The following TLN2 variants were observed in gnomAD, a reference collection of about 807,000 sequenced individuals.
TLN2 encodes talin 2.
TLN2 carries 118 observed loss-of-function variants against 294.7 expected under a neutral mutation model. The ratio of observed to expected loss-of-function variants is 0.40; its 90% CI spans 0.34 to 0.47. TLN2 has a LOEUF of 0.47. TLN2 is among the 20% of genes least tolerant of loss of function. The pLI, the probability that TLN2 is intolerant of heterozygous loss-of-function variation, is 0.84. For missense variants in TLN2, 3,083 were observed against 3,282.2 expected (o/e 0.94, Z 1.48); for synonymous variants, 1,431 against 1,304.5 (o/e 1.10, Z -2.09).
rs767354498 is a variant in TLN2 at position 62,810,042 on chromosome 15, C to G, written c.6771+10C>G. 1 of 1,609,940 alleles carries G rather than the reference C, an allele frequency of 6.2e-7. No homozygotes were observed. The highest frequency in any genetic ancestry group is 1.1e-5 in the South Asian group (1 of 90,898). ...GGAGCACGTCTTGGTGGTAAGAAAGCGCATGAGTCAGGGCTGGGGAGTAGC... is the reference window on the plus strand; with the variant it reads ...GGAGCACGTCTTGGTGGTAAGAAAGGGCATGAGTCAGGGCTGGGGAGTAGC... On this transcript the variant is annotated intron_variant, in intron 52 of 58. Coordinates refer to ENST00000636159, the MANE Select transcript of TLN2 (RefSeq NM_015059.3).
Position 62,692,921 on chromosome 15 carries a change from A to G in TLN2, c.1195A>G (p.Ile399Val), listed in dbSNP as rs1000386087. 1.2e-6 allele frequency: 2 copies of G among 1,612,908 alleles called. No individual in the cohort carries two copies. The highest frequency in any genetic ancestry group is 1.7e-6 in the Non-Finnish European group (2 of 1,179,538). The stretch of plus-strand genomic sequence containing the variant: ...GATATCCCAGCTGATTGCAGGCTAC[A>G]TTGACATCATCCTGAAAAAGGTATT... ...EQISQLIAGY[I>V]DIILKKKQSK... is the part of the protein sequence containing the mutation. Residue 399 changes from isoleucine (I) to valine (V), a missense_variant, in exon 13 of 59, where the codon ATT becomes GTT. Physicochemically the swap from Ile to Val is conservative, Grantham distance 29 (BLOSUM62 3). Coordinates refer to ENST00000636159, the MANE Select transcript of TLN2 (RefSeq NM_015059.3).
rs112841455 is a variant in TLN2, at chr15:62,591,410, A to G, written c.-162+1648A>G. ...GGAAAGAAAGGTACTTTACCTGTAC[A>G]TTGCCTGTTTCCAGAAAATGCTGTG... On this transcript the variant is annotated intron_variant, in intron 2 of 58. Transcript: ENST00000636159. Among the ~76,000 whole-genome samples, 837 of 152,294 alleles carry G rather than the reference A, an allele frequency of 5.5e-3. 4 individuals carry two copies. The highest frequency in any genetic ancestry group is 9.6e-3 in the Non-Finnish European group (655 of 68,018).
chr15:62,745,934 A>C (rs2061583979), intron 32 of TLN2, among the ~76,000 whole-genome samples: 1 of 152,254 alleles, frequency 6.6e-6, no homozygotes, highest in East Asian at 1.9e-4. Context: ...CATCTCACTT[A>C]GACACACGAT....
At chr15:62,757,781 C>T (rs2062393171) in intron 37 of TLN2, among the ~76,000 whole-genome samples, 1 of 152,090 alleles carries the variant, frequency 6.6e-6, no homozygotes, top group African/African-American at 2.4e-5. Context: ...GAACGAGGAG[C>T]AATGCAAGAG....
chr15:62,411,689 C>A (rs1443376174), intron 1 of TLN2, among the ~76,000 whole-genome samples: 2 of 152,026 alleles, frequency 1.3e-5, no homozygotes, highest in Non-Finnish European at 2.9e-5. Context: ...TGCCTTTAGT[C>A]TTCTCTCCAT....
At chr15:62,516,219 A>G (rs142480206) in intron 1 of TLN2, among the ~76,000 whole-genome samples, 7 of 152,358 alleles carry the variant, frequency 4.6e-5, no homozygotes, top group African/African-American at 1.7e-4. Flanking sequence ...AGGGTAAGGC[A>G]GTATGAAAAG....
intron 2 of TLN2, among the ~76,000 whole-genome samples, chr15:62,605,687 T>C (rs765613972): frequency 4.6e-5 from 7 of 152,224 alleles, no homozygotes; most frequent in Non-Finnish European, 7.3e-5. Context: ...AACCGTGTGC[T>C]CTGCTTTTCT....
At chr15:62,660,997 A>C (rs1051646475) in intron 9 of TLN2, among the ~76,000 whole-genome samples, 1 of 152,192 alleles carries the variant, frequency 6.6e-6, no homozygotes, top group African/African-American at 2.4e-5. Flanking sequence ...AAAAGGTGGG[A>C]AGAGTATCAT....
intron 42 of TLN2, 125 bp downstream of exon 42, chr15:62,771,259 C>A: frequency 9.1e-7 from 1 of 1,095,318 alleles, no homozygotes; most frequent in Non-Finnish European, 1.2e-6. Flanking sequence ...AGCTCCCACT[C>A]TGAGATCAGA....
intron 3 of TLN2, chr15:62,640,508 T>C (rs1455149890): frequency 2.7e-6 from 1 of 374,574 alleles, no homozygotes; most frequent in East Asian, 7.2e-5. Context: ...AGAGCCCCCA[T>C]TGTGCCCCCC....
chr15:62,640,659 GC>G (rs2050956772), intron 3 of TLN2, among the ~76,000 whole-genome samples: 1 of 152,134 alleles, frequency 6.6e-6, no homozygotes, highest in South Asian at 2.1e-4. Context: ...AAGAGAAACA[GC>G]CTAGGTGCTA....
chr15:62,540,816 C>T (rs2041639814), intron 1 of TLN2, among the ~76,000 whole-genome samples: 1 of 152,170 alleles, frequency 6.6e-6, no homozygotes, highest in Admixed American at 6.5e-5. Flanking sequence ...AATTAATATA[C>T]TCATGGGGAA....
At chr15:62,767,776 G>A (rs187095075) in intron 41 of TLN2, among the ~76,000 whole-genome samples, 22 of 152,342 alleles carry the variant, frequency 1.4e-4, no homozygotes, top group African/African-American at 5.3e-4. Context: ...AAGGGAAACT[G>A]AGTTTAGGAG....
chr15:62,780,671 C>T (rs144821077), intron 43 of TLN2, among the ~76,000 whole-genome samples: 23 of 152,312 alleles, frequency 1.5e-4, no homozygotes, highest in East Asian at 5.8e-4. Context: ...TCATAAAGAA[C>T]GGTTCCGTGG....
intron 14 of TLN2, 40 bp from the exon 15 acceptor site, chr15:62,697,648 G>GCA: frequency 6.4e-7 from 1 of 1,569,796 alleles, no homozygotes. Flanking sequence ...ACTCCACATG[G>GCA]CTGGTGTTCT....
intron 9 of TLN2, among the ~76,000 whole-genome samples, chr15:62,664,447 T>C (rs1308269418): frequency 1.3e-5 from 2 of 152,092 alleles, no homozygotes; most frequent in African/African-American, 4.8e-5. Context: ...AAACAAGGTA[T>C]TTCAGAATAT....
At chr15:62,580,636 C>T (rs962022343) in intron 1 of TLN2, among the ~76,000 whole-genome samples, 2 of 151,970 alleles carry the variant, frequency 1.3e-5, no homozygotes, top group Non-Finnish European at 2.9e-5. Flanking sequence ...GTCTCTAACT[C>T]CTGAGTTCAA....
chr15:62,392,702 C>T (rs776677768), intron 1 of TLN2, among the ~76,000 whole-genome samples: 58 of 152,110 alleles, frequency 3.8e-4, no homozygotes, highest in Non-Finnish European at 4.7e-4. Flanking sequence ...TCGGCACTTC[C>T]GGTCTTCTTC....
At chr15:62,740,588 A>T in intron 31 of TLN2, 42 bp from the exon 32 acceptor site, 1 of 1,610,558 alleles carries the variant, frequency 6.2e-7, no homozygotes, top group South Asian at 1.1e-5. Flanking sequence ...CCTTCAAGAA[A>T]TGGACAGGCC....
Sources: allele counts gnomAD v4.1 joint callset (sites outside exome capture counted in the v4.1 genomes callset), GRCh38; gene constraint gnomAD v4.1.1; transcripts MANE v1.5; gene names NCBI Gene and HGNC (gene_info 2026-07-23, HGNC 2026-07-21).